DAAM2: variants seen among roughly 807,000 people sequenced by gnomAD.
DAAM2 encodes disheveled-associated activator of morphogenesis 2.
DAAM2 carries 39 observed loss-of-function variants against 120.7 expected under a neutral mutation model. That is an observed-to-expected ratio of 0.32 (90% CI 0.25 to 0.42). The LOEUF (loss-of-function observed/expected upper bound fraction) is 0.42. Among genes scored for constraint, DAAM2 ranks in the 10% least tolerant of loss-of-function variants. The probability of loss-of-function intolerance (pLI) is 1.00; values close to 1 mark genes in which losing one functional copy is unlikely to be tolerated. For synonymous variants in DAAM2, 488 were observed against 524.9 expected (o/e 0.93, Z 0.96); for missense variants, 1,283 against 1,401.7 (o/e 0.92, Z 1.35).
At position 39,867,295 on chromosome 6, in the gene DAAM2, G is replaced by A. The variant is rs185874849; in HGVS notation, c.429-215G>A. On this transcript the variant is annotated intron_variant, in intron 5 of 24. Coordinates refer to ENST00000274867, the MANE Select transcript of DAAM2 (RefSeq NM_001201427.2). ...CCATTTTAGCTATGCAACTGACAAT[G>A]ATATGCAAATACAGAGTATTTAAAA... is the stretch of plus-strand genomic sequence containing the variant. The A allele has an allele frequency of 7.0e-6, 4 of 574,020 alleles. No homozygotes were observed. In the East Asian group the frequency reaches 1.2e-4, roughly 17 times the overall value. The allele number at this position is 574,020 out of a possible 1,614,324, so 35.6% of individuals were successfully genotyped here. A position where few individuals can be genotyped will look rare whatever the true frequency, so the allele number is the denominator to read the frequency against.
chr6:39,793,944 T>C (rs1328360863), intron 1 of DAAM2, among the ~76,000 whole-genome samples: 1 of 152,108 alleles, frequency 6.6e-6, no homozygotes. Flanking sequence ...CCCTCTGTCC[T>C]AGAAAAATGA....
intron 6 of DAAM2, 125 bp downstream of exon 6, chr6:39,867,968 C>A: frequency 3.5e-6 from 3 of 850,400 alleles, no homozygotes; most frequent in Non-Finnish European, 5.4e-6. Context: ...GGTCTGCATG[C>A]CTGCTCCTGG....
intron 1 of DAAM2, among the ~76,000 whole-genome samples, chr6:39,808,969 G>T (rs893886384): frequency 2.0e-5 from 3 of 152,234 alleles, no homozygotes; most frequent in Non-Finnish European, 4.4e-5. Flanking sequence ...GTGTATTGTT[G>T]TCTCTGTCAG....
chr6:39,829,779 A>G (rs1762809623), intron 1 of DAAM2, among the ~76,000 whole-genome samples: 3 of 152,134 alleles, frequency 2.0e-5, no homozygotes, highest in Admixed American at 1.3e-4. Flanking sequence ...GTTTCTGGTA[A>G]AAGTGCTTGA....
At chr6:39,897,042 C>T in intron 20 of DAAM2, 62 bp downstream of exon 20, 2 of 1,555,214 alleles carry the variant, frequency 1.3e-6, no homozygotes, top group Admixed American at 1.8e-5. Flanking sequence ...TGGCCTCTCA[C>T]ATCCTCCCTC....
chr6:39,887,816 G>A, intron 16 of DAAM2: 2 of 505,980 alleles, frequency 4.0e-6, no homozygotes, highest in Non-Finnish European at 7.2e-6. Flanking sequence ...TCAGCGTCTG[G>A]CAGCTGAGTT....
intron 19 of DAAM2, 124 bp downstream of exon 19, chr6:39,891,846 A>G (rs979567601): frequency 2.7e-6 from 2 of 738,430 alleles, no homozygotes; most frequent in Middle Eastern, 2.8e-4. Flanking sequence ...AAACAAAAAC[A>G]AAAAGTCAAA....
intron 21 of DAAM2, among the ~76,000 whole-genome samples, chr6:39,898,433 A>C (rs1766257198): frequency 6.6e-6 from 1 of 152,362 alleles, no homozygotes; most frequent in African/African-American, 2.4e-5. Context: ...GCTAGGCAAG[A>C]TATCAGACAC....
chr6:39,799,678 A>G (rs1761803683), intron 1 of DAAM2, among the ~76,000 whole-genome samples: 2 of 152,216 alleles, frequency 1.3e-5, no homozygotes. Flanking sequence ...GCTCCACTAT[A>G]CATGACACTA....
chr6:39,799,053 A>T lies in DAAM2; in HGVS notation c.-57+6588A>T, dbSNP rs114979608. Among the ~76,000 whole-genome samples, 805 of 152,322 alleles carry T rather than the reference A, an allele frequency of 5.3e-3. 8 individuals are homozygous for T. Among genetic ancestry groups the T allele is most frequent in the African/African-American group, 0.018 (750 of 41,578 alleles). On this transcript the variant is annotated intron_variant, in intron 1 of 24. Coordinates refer to ENST00000274867, the MANE Select transcript of DAAM2 (RefSeq NM_001201427.2). ...TTTGAGGAATGAGTAGGACTTGCCC[A>T]GGTGTGATGGGCTTGCAAGAGCTAG...
chr6:39,873,796 T>G (rs1194991751), intron 10 of DAAM2, among the ~76,000 whole-genome samples: 2 of 152,180 alleles, frequency 1.3e-5, no homozygotes, highest in Admixed American at 1.3e-4. Flanking sequence ...GCTTCCACTC[T>G]TGCACTCTTG....
intron 1 of DAAM2, among the ~76,000 whole-genome samples, chr6:39,809,692 C>T (rs1229117084): frequency 2.0e-5 from 3 of 152,150 alleles, no homozygotes; most frequent in Non-Finnish European, 4.4e-5. Context: ...CCTAGTTTTA[C>T]GATGTCTAAA....
chr6:39,802,777 GA>G (rs989215749), intron 1 of DAAM2, among the ~76,000 whole-genome samples: 1 of 152,070 alleles, frequency 6.6e-6, no homozygotes, highest in Non-Finnish European at 1.5e-5. Flanking sequence ...ACATAAATGA[GA>G]AAAAATACAC....
chr6:39,846,495 A>G (rs906987302), intron 1 of DAAM2, among the ~76,000 whole-genome samples: 1 of 152,170 alleles, frequency 6.6e-6, no homozygotes, highest in East Asian at 1.9e-4. Context: ...TATGGCATCA[A>G]TAACCCTATG....
chr6:39,845,794 C>G (rs944193109), intron 1 of DAAM2, among the ~76,000 whole-genome samples: 2 of 151,978 alleles, frequency 1.3e-5, no homozygotes, highest in Non-Finnish European at 2.9e-5. Flanking sequence ...AGCTCCCATT[C>G]CTAGTCCTCT....
intron 1 of DAAM2, among the ~76,000 whole-genome samples, chr6:39,845,026 A>G (rs2149260960): frequency 7.0e-6 from 1 of 142,130 alleles, no homozygotes; most frequent in East Asian, 2.4e-4. Context: ...CCCCACACAT[A>G]TACATACACC....
At chr6:39,859,208 G>A (rs746336066) in intron 2 of DAAM2, among the ~76,000 whole-genome samples, 1 of 152,210 alleles carries the variant, frequency 6.6e-6, no homozygotes, top group African/African-American at 2.4e-5. Context: ...AATTAGACCA[G>A]GTCCTTAGTG....
At chr6:39,817,380 A>T (rs1356317032) in intron 1 of DAAM2, among the ~76,000 whole-genome samples, 1 of 152,186 alleles carries the variant, frequency 6.6e-6, no homozygotes, top group Non-Finnish European at 1.5e-5. Flanking sequence ...ACAAAGGTGT[A>T]TTTCTTACTC....
chr6:39,891,716 G>C lies in DAAM2; in HGVS notation c.2335G>C (p.Val779Leu). The change falls in exon 19 of 25, where the codon GTG becomes CTG. Residue 779 changes from valine to leucine, a missense_variant. Physicochemically the swap from Val to Leu is conservative, Grantham distance 32. This residue lies in a region of DAAM2 where 748 missense variants were observed against 768.6 expected (regional missense o/e 0.97). Transcript: ENST00000274867. ...QERLAEAKPK[V>L]EAILLASREL... The stretch of plus-strand genomic sequence containing the variant: ...GCGGCTGGCTGAGGCAAAGCCCAAA[G>C]TGGAAGGTAGGGCTGAGGGTTGCAG... 6 of 1,600,986 alleles carry C rather than the reference G, an allele frequency of 3.7e-6. No homozygotes were observed. Among genetic ancestry groups the C allele is most frequent in the Non-Finnish European group, 5.1e-6 (6 of 1,173,684 alleles).
Sources: gnomAD v4.1 joint callset for allele counts (sites outside exome capture counted in the v4.1 genomes callset) on GRCh38, gnomAD v4.1.1 for gene constraint, gnomAD v4.1.1 regional missense constraint, MANE v1.5 for transcripts, NCBI Gene and HGNC (gene_info 2026-07-23, HGNC 2026-07-21) for gene names.